The following ESR1 variants were observed in gnomAD, a reference collection of about 807,000 sequenced individuals.
The protein encoded by ESR1 is estrogen receptor.
In ESR1, 12 loss-of-function variants were observed where a neutral mutation model predicts 52.7. The observed-to-expected ratio is 0.23, with a 90% confidence interval of 0.15 to 0.37. The LOEUF (loss-of-function observed/expected upper bound fraction) is 0.37. Ranked by LOEUF, ESR1 falls within the 10% of genes least tolerant of loss-of-function variation. The pLI, the probability that ESR1 is intolerant of heterozygous loss-of-function variation, is 1.00. For missense variants in ESR1, 584 were observed against 779.7 expected (o/e 0.75, Z 2.99); for synonymous variants, 305 against 316.8 (o/e 0.96, Z 0.39).
intron 2 of ESR1, among the ~76,000 whole-genome samples, chr6:151,798,488 C>A (rs574661975): frequency 2.0e-5 from 3 of 152,186 alleles, no homozygotes; most frequent in Non-Finnish European, 4.4e-5. Context: ...ACAAGTGTCA[C>A]TAAAAGTGAT....
chr6:152,041,391 T>G (rs9341001), intron 5 of ESR1, among the ~76,000 whole-genome samples: 6,612 of 152,272 alleles, frequency 0.043, 223 homozygotes, highest in East Asian at 0.14. Flanking sequence ...CACACCCAAA[T>G]GAGGAATGTG....
chr6:151,843,814 C>T (rs1308046933), intron 2 of ESR1, among the ~76,000 whole-genome samples: 1 of 152,012 alleles, frequency 6.6e-6, no homozygotes, highest in Non-Finnish European at 1.5e-5. Flanking sequence ...AAGTGATTCT[C>T]ATGGACTTTC....
intron 6 of ESR1, among the ~76,000 whole-genome samples, chr6:152,079,788 AG>A (rs2049041332): frequency 6.6e-6 from 1 of 152,236 alleles, no homozygotes; most frequent in African/African-American, 2.4e-5. Context: ...AGTGTAGAGA[AG>A]AACTTAAATG....
At chr6:152,041,923 C>T (rs755838718) in intron 5 of ESR1, among the ~76,000 whole-genome samples, 8 of 152,184 alleles carry the variant, frequency 5.3e-5, no homozygotes, top group Non-Finnish European at 8.8e-5. Flanking sequence ...GTAATGAACC[C>T]ATATCTGGTC....
chr6:152,075,268 A>G (rs3798575), intron 6 of ESR1, among the ~76,000 whole-genome samples: 31,216 of 152,060 alleles, frequency 0.21, 4,414 homozygotes, highest in African/African-American at 0.39. Flanking sequence ...TCACCTTTTT[A>G]TTTGTTTTAA....
chr6:152,003,594 T>C (rs1171469318), intron 4 of ESR1, among the ~76,000 whole-genome samples: 3 of 151,946 alleles, frequency 2.0e-5, no homozygotes, highest in African/African-American at 7.2e-5. Context: ...GTAAGTAGTG[T>C]CATCATTCTC....
chr6:151,695,491 A>G (rs1197651105), intron 1 of ESR1, among the ~76,000 whole-genome samples: 1 of 152,096 alleles, frequency 6.6e-6, no homozygotes, highest in African/African-American at 2.4e-5. Flanking sequence ...TTCTTTTTCC[A>G]ACTGTTTCCT....
intron 3 of ESR1, among the ~76,000 whole-genome samples, chr6:151,898,573 T>C (rs1338795929): frequency 2.6e-5 from 4 of 151,984 alleles, no homozygotes; most frequent in Non-Finnish European, 5.9e-5. Context: ...TGTCCCTGGG[T>C]ACTTGAGATT....
intron 1 of ESR1, among the ~76,000 whole-genome samples, chr6:151,840,088 A>G (rs1784046822): frequency 6.6e-6 from 1 of 152,212 alleles, no homozygotes; most frequent in African/African-American, 2.4e-5. Flanking sequence ...TCATTCAACA[A>G]ACATGTATTG....
intron 4 of ESR1, among the ~76,000 whole-genome samples, chr6:151,953,332 G>A (rs1252257810): frequency 1.3e-5 from 2 of 152,124 alleles, no homozygotes; most frequent in African/African-American, 4.8e-5. Context: ...TGATGAAAGA[G>A]GTTAATTTTC....
chr6:151,812,742 G>C (rs1413537137), intron 1 of ESR1, among the ~76,000 whole-genome samples: 1 of 152,036 alleles, frequency 6.6e-6, no homozygotes, highest in Non-Finnish European at 1.5e-5. Flanking sequence ...GTTTAATTCT[G>C]TCTCAGTTTG....
chr6:151,789,284 G>T (rs2128130027), intron 2 of ESR1, among the ~76,000 whole-genome samples: 1 of 152,274 alleles, frequency 6.6e-6, no homozygotes, highest in Non-Finnish European at 1.5e-5. Flanking sequence ...CAAAGGGGAT[G>T]TCCTGAATAG....
At chr6:151,836,602 T>C (rs938561929) in intron 1 of ESR1, among the ~76,000 whole-genome samples, 2 of 152,172 alleles carry the variant, frequency 1.3e-5, no homozygotes, top group Admixed American at 6.5e-5. Context: ...ATGGTTAAAA[T>C]TGGGAGCAAA....
At chr6:152,073,380 T>C (rs994058771) in intron 6 of ESR1, among the ~76,000 whole-genome samples, 6 of 152,180 alleles carry the variant, frequency 3.9e-5, no homozygotes, top group Non-Finnish European at 8.8e-5. Context: ...AAGTAATGCA[T>C]GACCAAGGCA....
intron 2 of ESR1, among the ~76,000 whole-genome samples, chr6:151,730,076 C>T (rs991621755): frequency 1.3e-5 from 2 of 152,182 alleles, no homozygotes; most frequent in Non-Finnish European, 1.5e-5. Context: ...GCCTCTCCCA[C>T]TGGCCCATTT....
intron 5 of ESR1, among the ~76,000 whole-genome samples, chr6:152,046,058 G>A (rs551489843): frequency 6.6e-6 from 1 of 152,330 alleles, no homozygotes; most frequent in East Asian, 1.9e-4. Context: ...GAGTTGCCTT[G>A]AAGGAAGGCA....
intron 6 of ESR1, among the ~76,000 whole-genome samples, chr6:152,124,604 G>A (rs1585387258): frequency 6.6e-6 from 1 of 151,972 alleles, no homozygotes; most frequent in South Asian, 2.1e-4. Flanking sequence ...AATCTCCCAA[G>A]AAGCCACAAG....
chr6:151,791,490 A>G (rs1450430375), intron 2 of ESR1, among the ~76,000 whole-genome samples: 1 of 152,140 alleles, frequency 6.6e-6, no homozygotes, highest in African/African-American at 2.4e-5. Flanking sequence ...TCCTTTATAA[A>G]TTACCCAGTC....
At chr6:152,050,838 CA>C (rs1398539272) in intron 5 of ESR1, among the ~76,000 whole-genome samples, 3 of 152,202 alleles carry the variant, frequency 2.0e-5, no homozygotes, top group African/African-American at 7.2e-5. Flanking sequence ...GGTAATTTTT[CA>C]AAACAGGCTT....
Sources: allele counts gnomAD v4.1 joint callset (sites outside exome capture counted in the v4.1 genomes callset), GRCh38; gene constraint gnomAD v4.1.1; transcripts MANE v1.5; gene names NCBI Gene and HGNC (gene_info 2026-07-23, HGNC 2026-07-21).